Variants in ASIC2 observed in about 807,000 individuals in gnomAD.
ASIC2 encodes acid-sensing ion channel 2.
Under a neutral mutation model 57.3 loss-of-function variants are expected in ASIC2, and 25 were observed. That is an observed-to-expected ratio of 0.44 (90% CI 0.32 to 0.61). The LOEUF (loss-of-function observed/expected upper bound fraction) is 0.61, where lower values mean the gene tolerates loss of function less well. Ranked by LOEUF, ASIC2 falls within the 20% of genes least tolerant of loss-of-function variation. The pLI is 0.06. For missense variants in ASIC2, 641 were observed against 738.1 expected, an observed-to-expected ratio of 0.87 and a Z score of 1.52; for synonymous variants, 319 against 307.5, an observed-to-expected ratio of 1.04 and a Z score of -0.39.
intron 1 of ASIC2, among the ~76,000 whole-genome samples, chr17:33,396,410 CA>C (rs1910079243): frequency 6.6e-6 from 1 of 152,226 alleles, no homozygotes; most frequent in African/African-American, 2.4e-5. Context: ...CCTGTTATCT[CA>C]CTCAACCTTT....
At chr17:33,184,156 C>T (rs1299366842) in intron 1 of ASIC2, among the ~76,000 whole-genome samples, 1 of 152,076 alleles carries the variant, frequency 6.6e-6, no homozygotes, top group African/African-American at 2.4e-5. Flanking sequence ...GAGGTTAAAG[C>T]GACTTGCCCA....
intron 1 of ASIC2, among the ~76,000 whole-genome samples, chr17:33,672,638 T>C (rs1907674308): frequency 6.6e-6 from 1 of 152,202 alleles, no homozygotes; most frequent in South Asian, 2.1e-4. Context: ...TTCCAATTTT[T>C]AAGTGTCCCA....
chr17:33,812,768 A>G (rs761753947), intron 1 of ASIC2, among the ~76,000 whole-genome samples: 1 of 152,250 alleles, frequency 6.6e-6, no homozygotes, highest in Non-Finnish European at 1.5e-5. Context: ...ATCTACCCAC[A>G]TTAGACCTAG....
At chr17:34,085,509 T>C (rs969922224) in intron 1 of ASIC2, among the ~76,000 whole-genome samples, 4 of 152,232 alleles carry the variant, frequency 2.6e-5, no homozygotes, top group Non-Finnish European at 4.4e-5. Flanking sequence ...CTTTTTTGGT[T>C]GTGTCTCTGC....
At chr17:34,036,639 G>A (rs537316871) in intron 1 of ASIC2, 5 of 148,586 alleles carry the variant, frequency 3.4e-5, no homozygotes, top group Admixed American at 2.7e-4. Flanking sequence ...TTTTATCAAG[G>A]GCTACTTGTG....
intron 1 of ASIC2, among the ~76,000 whole-genome samples, chr17:33,753,705 G>T (rs566315364): frequency 6.6e-6 from 1 of 152,312 alleles, no homozygotes; most frequent in Admixed American, 6.5e-5. Flanking sequence ...TGCCTTATTT[G>T]AACACGGTTT....
chr17:33,194,699 G>T (rs891928908), intron 1 of ASIC2, among the ~76,000 whole-genome samples: 2 of 123,314 alleles, frequency 1.6e-5, no homozygotes, highest in African/African-American at 3.3e-5. Context: ...TCCCAGATTG[G>T]GAATCTCTTG....
chr17:33,459,440 C>T (rs2141910596), intron 1 of ASIC2, among the ~76,000 whole-genome samples: 1 of 152,282 alleles, frequency 6.6e-6, no homozygotes, highest in South Asian at 2.1e-4. Context: ...AATGAAACCA[C>T]ACACATCATT....
chr17:33,286,307 AAGGGTGCAGGG>A (rs1229575814), intron 1 of ASIC2, among the ~76,000 whole-genome samples: 1 of 152,200 alleles, frequency 6.6e-6, no homozygotes, highest in Non-Finnish European at 1.5e-5. Flanking sequence ...GGCAATAGTG[AAGGGTGCAGGG>A]AGGAGTGGCT....
intron 1 of ASIC2, among the ~76,000 whole-genome samples, chr17:33,572,706 C>T (rs1916490297): frequency 6.6e-6 from 1 of 152,180 alleles, no homozygotes; most frequent in Non-Finnish European, 1.5e-5. Flanking sequence ...AAGGCTGAGT[C>T]AGTGTGAGTA....
At chr17:33,646,788 G>C (rs1906755241) in intron 1 of ASIC2, among the ~76,000 whole-genome samples, 1 of 152,152 alleles carries the variant, frequency 6.6e-6, no homozygotes, top group Non-Finnish European at 1.5e-5. Context: ...GGCAAAAAGA[G>C]TCTAGGTGTT....
intron 1 of ASIC2, among the ~76,000 whole-genome samples, chr17:33,659,674 T>C (rs1159214885): frequency 6.6e-6 from 1 of 151,846 alleles, no homozygotes; most frequent in Non-Finnish European, 1.5e-5. Context: ...ATGGAGACCA[T>C]CCTGGCCAAC....
intron 1 of ASIC2, among the ~76,000 whole-genome samples, chr17:33,840,945 C>T (rs1913419311): frequency 6.6e-6 from 1 of 151,880 alleles, no homozygotes; most frequent in Non-Finnish European, 1.5e-5. Context: ...TTCTGATGGA[C>T]AGGTATATAT....
At chr17:33,177,396 T>C (rs544109385) in intron 1 of ASIC2, among the ~76,000 whole-genome samples, 1 of 152,292 alleles carries the variant, frequency 6.6e-6, no homozygotes, top group South Asian at 2.1e-4. Flanking sequence ...CTGAGAATCA[T>C]GGACTTGGCC....
At chr17:33,237,581 C>T (rs1908344349) in intron 1 of ASIC2, among the ~76,000 whole-genome samples, 1 of 152,152 alleles carries the variant, frequency 6.6e-6, no homozygotes, top group South Asian at 2.1e-4. Context: ...AACTCCCGAC[C>T]TCGGCCTCCC....
chr17:33,942,641 C>T (rs576815549), intron 1 of ASIC2, among the ~76,000 whole-genome samples: 15 of 152,246 alleles, frequency 9.9e-5, no homozygotes, highest in South Asian at 2.1e-4. Flanking sequence ...ACTATGGAAA[C>T]GAGTGGCAGA....
chr17:33,525,062 A>T (rs1201900642), intron 1 of ASIC2, among the ~76,000 whole-genome samples: 2 of 151,774 alleles, frequency 1.3e-5, no homozygotes, highest in African/African-American at 2.4e-5. Flanking sequence ...TTCCCCCATC[A>T]CCGATACCTG....
rs142790762 is a variant in ASIC2 at position 33,550,562 on chromosome 17, G to A, written c.556-438495C>T. On this transcript the variant is annotated intron_variant, in intron 1 of 9. Transcript: ENST00000359872. ...TATTGTGTAGTAGTTAAACAGCAGA[G>A]GCTGAAGAGCCAGACACTCTAGGTT... is the stretch of plus-strand genomic sequence containing the variant. 5.3e-5 allele frequency among the ~76,000 whole-genome samples: 8 copies of A among 152,304 alleles called. No individual in the cohort carries two copies. The East Asian group carries it at 1.5e-3, about 29-fold the overall frequency.
intron 1 of ASIC2, among the ~76,000 whole-genome samples, chr17:33,658,892 A>G (rs530423906): frequency 2.0e-5 from 3 of 152,114 alleles, no homozygotes; most frequent in Non-Finnish European, 4.4e-5. Context: ...AATCCTAGCT[A>G]CTCGGGAGGC....
Sources: allele counts gnomAD v4.1 joint callset (sites outside exome capture counted in the v4.1 genomes callset), GRCh38; gene constraint gnomAD v4.1.1; transcripts MANE v1.5; gene names NCBI Gene and HGNC (gene_info 2026-07-23, HGNC 2026-07-21).